Variants in KCNH1 observed in about 807,000 individuals in gnomAD.
KCNH1 encodes voltage-gated delayed rectifier potassium channel KCNH1.
In KCNH1, 27 loss-of-function variants were observed where a neutral mutation model predicts 69.2. That is an observed-to-expected ratio of 0.39 (90% CI 0.29 to 0.54). KCNH1 has a LOEUF of 0.54. Ranked by LOEUF, KCNH1 falls within the 20% of genes least tolerant of loss-of-function variation. The probability of loss-of-function intolerance (pLI) is 0.68; values close to 1 mark genes in which losing one functional copy is unlikely to be tolerated. For missense variants in KCNH1, 798 were observed against 1,261.6 expected (o/e 0.63, Z 5.57); for synonymous variants, 456 against 487.7 (o/e 0.93, Z 0.86).
chr1:211,068,837 G>A (rs182318901), intron 5 of KCNH1, among the ~76,000 whole-genome samples: 1 of 152,216 alleles, frequency 6.6e-6, no homozygotes, highest in Non-Finnish European at 1.5e-5. Flanking sequence ...AGGAACCAGT[G>A]CTGGGTAGGA....
chr1:210,830,031 A>G (rs555735495), intron 7 of KCNH1, among the ~76,000 whole-genome samples: 65 of 152,290 alleles, frequency 4.3e-4, no homozygotes, highest in Non-Finnish European at 7.6e-4. Context: ...ACTAATGTAA[A>G]TCTGGTGCTT....
chr1:210,738,609 GGCTCCGGTGCCGTGGCACAATCAGA>G (rs1033187278), intron 10 of KCNH1, among the ~76,000 whole-genome samples: 1 of 127,480 alleles, frequency 7.8e-6, no homozygotes, highest in Non-Finnish European at 1.6e-5. Context: ...TCTGTCACTA[GGCTCCGGTGCCGTGGCACAATCAGA>G]GCTCACTGCA....
chr1:210,813,396 T>C (rs927361330), intron 7 of KCNH1, among the ~76,000 whole-genome samples: 10 of 152,146 alleles, frequency 6.6e-5, no homozygotes, highest in African/African-American at 2.4e-4. Context: ...TGACTACATA[T>C]TTAGTGATTT....
intron 7 of KCNH1, among the ~76,000 whole-genome samples, chr1:210,891,398 G>A (rs1026397620): frequency 6.6e-6 from 1 of 152,128 alleles, no homozygotes; most frequent in East Asian, 1.9e-4. Flanking sequence ...CATGGGGTGA[G>A]GAGAAGGGGG....
chr1:210,736,252 T>A (rs1013332264), intron 10 of KCNH1, among the ~76,000 whole-genome samples: 1 of 152,280 alleles, frequency 6.6e-6, no homozygotes, highest in East Asian at 1.9e-4. Context: ...TAGATTTTTT[T>A]AAATGGGATG....
chr1:210,816,449 C>T (rs1684818220), intron 7 of KCNH1, among the ~76,000 whole-genome samples: 1 of 152,212 alleles, frequency 6.6e-6, no homozygotes, highest in African/African-American at 2.4e-5. Flanking sequence ...GATAAAAGCA[C>T]AGCAATTTCC....
chr1:210,716,431 C>CA (rs58725705), intron 10 of KCNH1, among the ~76,000 whole-genome samples: 29,176 of 91,814 alleles, frequency 0.32, 5,054 homozygotes, highest in Non-Finnish European at 0.43. Flanking sequence ...GACTCCGTCT[C>CA]AAAAAAAAAA....
At chr1:211,005,837 A>G (rs904601532) in intron 6 of KCNH1, among the ~76,000 whole-genome samples, 19 of 152,144 alleles carry the variant, frequency 1.2e-4, no homozygotes, top group African/African-American at 4.6e-4. Context: ...TACAGCACAT[A>G]TAACCCATAA....
intron 7 of KCNH1, among the ~76,000 whole-genome samples, chr1:210,885,546 C>G (rs1686585592): frequency 6.6e-6 from 1 of 152,172 alleles, no homozygotes; most frequent in African/African-American, 2.4e-5. Flanking sequence ...GAGACAGAAC[C>G]ATTCACTCCC....
chr1:210,967,345 T>TA (rs1165470510), intron 6 of KCNH1, among the ~76,000 whole-genome samples: 1 of 151,742 alleles, frequency 6.6e-6, no homozygotes, highest in African/African-American at 2.4e-5. Context: ...AATCAAATTG[T>TA]AAAAAAATAG....
At chr1:211,076,302 T>C (rs535610226) in intron 5 of KCNH1, among the ~76,000 whole-genome samples, 1 of 152,290 alleles carries the variant, frequency 6.6e-6, no homozygotes, top group South Asian at 2.1e-4. Context: ...TTGATCTCCA[T>C]GTAGCCTAAC....
intron 10 of KCNH1, among the ~76,000 whole-genome samples, chr1:210,684,577 ATC>A (rs1574179013): frequency 1.3e-5 from 2 of 152,200 alleles, no homozygotes; most frequent in Non-Finnish European, 2.9e-5. Context: ...CTCCATTAGT[ATC>A]TCTGCACAAA....
intron 6 of KCNH1, among the ~76,000 whole-genome samples, chr1:210,932,124 T>C (rs1025404341): frequency 6.6e-6 from 1 of 152,084 alleles, no homozygotes; most frequent in African/African-American, 2.4e-5. Context: ...TCCAGGAAGT[T>C]TGAAGGTCCC....
chr1:210,773,748 C>T (rs1335302038), intron 10 of KCNH1, among the ~76,000 whole-genome samples: 3 of 152,196 alleles, frequency 2.0e-5, no homozygotes, highest in Non-Finnish European at 4.4e-5. Context: ...TTGTTCAAAT[C>T]ACAATCACTG....
intron 6 of KCNH1, among the ~76,000 whole-genome samples, chr1:210,948,196 G>C (rs1687994975): frequency 6.8e-6 from 1 of 147,220 alleles, no homozygotes; most frequent in African/African-American, 2.5e-5. Context: ...GTAAGACCCT[G>C]TCTCTTTAAA....
At chr1:210,935,591 T>C (rs57655345) in intron 6 of KCNH1, among the ~76,000 whole-genome samples, 24,068 of 152,142 alleles carry the variant, frequency 0.16, 2,185 homozygotes, top group East Asian at 0.39. Flanking sequence ...ATTACATGTA[T>C]TGAAAATCAC....
chr1:210,698,864 A>T (rs74381924), intron 10 of KCNH1, among the ~76,000 whole-genome samples: 2,635 of 152,310 alleles, frequency 0.017, 36 homozygotes, highest in Non-Finnish European at 0.029. Context: ...CCTGCCTGCC[A>T]TCCAGCCTGC....
At chr1:210,810,737 T>C (rs1367680266) in intron 7 of KCNH1, among the ~76,000 whole-genome samples, 3 of 152,220 alleles carry the variant, frequency 2.0e-5, no homozygotes, top group Non-Finnish European at 2.9e-5. Context: ...TCAAAGGATA[T>C]CAATGATAAG....
intron 9 of KCNH1, 40 bp downstream of exon 9, chr1:210,797,468 C>T: frequency 6.3e-7 from 1 of 1,598,772 alleles, no homozygotes; most frequent in South Asian, 1.1e-5. Flanking sequence ...GCTAAGCCAA[C>T]CCCAGATACC....
Sources: allele counts gnomAD v4.1 joint callset (sites outside exome capture counted in the v4.1 genomes callset), GRCh38; gene constraint gnomAD v4.1.1; transcripts MANE v1.5; gene names NCBI Gene and HGNC (gene_info 2026-07-23, HGNC 2026-07-21).